The following CTNNA2 variants were observed in gnomAD, a reference collection of about 807,000 sequenced individuals.
CTNNA2 encodes the protein catenin alpha-2.
In CTNNA2, 42 loss-of-function variants were observed where a neutral mutation model predicts 101.0. The observed-to-expected ratio is 0.42, with a 90% CI of 0.32 to 0.54. The LOEUF (loss-of-function observed/expected upper bound fraction) is 0.54, where lower values mean the gene tolerates loss of function less well. Ranked by LOEUF, CTNNA2 falls within the 20% of genes least tolerant of loss-of-function variation. CTNNA2 has a pLI of 0.14. For synonymous variants in CTNNA2, 450 were observed against 456.4 expected, an observed-to-expected ratio of 0.99 and a Z score of 0.18; for missense variants, 871 against 1,223.1, an observed-to-expected ratio of 0.71 and a Z score of 4.29.
chr2:80,447,358 T>G (rs574493804), intron 9 of CTNNA2, among the ~76,000 whole-genome samples: 1 of 152,322 alleles, frequency 6.6e-6, no homozygotes, highest in Non-Finnish European at 1.5e-5. Context: ...CTTGTTTTTA[T>G]ATTTATAAGG....
intron 7 of CTNNA2, among the ~76,000 whole-genome samples, chr2:80,006,652 G>A (rs1387934351): frequency 6.6e-6 from 1 of 152,120 alleles, no homozygotes; most frequent in Non-Finnish European, 1.5e-5. Context: ...TCTGATCCCA[G>A]AAATGAAACA....
At chr2:79,651,242 C>T (rs183368406) in intron 1 of CTNNA2, among the ~76,000 whole-genome samples, 68 of 152,230 alleles carry the variant, frequency 4.5e-4, no homozygotes, top group African/African-American at 1.0e-3. Context: ...TGAAACCTTT[C>T]GCAGCATATA....
intron 2 of CTNNA2, among the ~76,000 whole-genome samples, chr2:79,715,576 A>T (rs1042753493): frequency 6.6e-6 from 1 of 152,162 alleles, no homozygotes; most frequent in African/African-American, 2.4e-5. Flanking sequence ...TATAAGGGTA[A>T]GCAATGGATG....
At chr2:79,775,134 T>C (rs1673868517) in intron 3 of CTNNA2, among the ~76,000 whole-genome samples, 1 of 152,162 alleles carries the variant, frequency 6.6e-6, no homozygotes, top group South Asian at 2.1e-4. Context: ...TCATTTGGTA[T>C]GGTTGACAAG....
At chr2:80,449,068 A>C (rs1034716434) in intron 9 of CTNNA2, among the ~76,000 whole-genome samples, 1 of 152,126 alleles carries the variant, frequency 6.6e-6, no homozygotes. Flanking sequence ...GAAATGTTTG[A>C]TTAGCTACCC....
intron 7 of CTNNA2, among the ~76,000 whole-genome samples, chr2:80,354,477 A>C (rs1209191679): frequency 1.3e-5 from 2 of 152,158 alleles, no homozygotes; most frequent in African/African-American, 4.8e-5. Flanking sequence ...GTGCATCTTT[A>C]GGGTGGTGTG....
intron 3 of CTNNA2, among the ~76,000 whole-genome samples, chr2:79,774,271 C>A (rs575512516): frequency 6.6e-4 from 100 of 152,264 alleles, no homozygotes; most frequent in African/African-American, 2.4e-3. Context: ...CTGATCTTAA[C>A]CCCCTGCTGA....
At chr2:80,306,796 G>GAA (rs35209888) in intron 7 of CTNNA2, among the ~76,000 whole-genome samples, 38 of 147,534 alleles carry the variant, frequency 2.6e-4, no homozygotes, top group African/African-American at 5.9e-4. Flanking sequence ...GGGTTGCTAG[G>GAA]AAAAAAAAAA....
At chr2:79,581,972 G>A (rs1400500117) in intron 1 of CTNNA2, among the ~76,000 whole-genome samples, 1 of 152,190 alleles carries the variant, frequency 6.6e-6, no homozygotes, top group Non-Finnish European at 1.5e-5. Context: ...AAGAAATACA[G>A]CTGTAGGTAT....
intron 18 of CTNNA2, among the ~76,000 whole-genome samples, chr2:80,629,171 T>G (rs944618394): frequency 3.9e-5 from 6 of 152,166 alleles, no homozygotes; most frequent in Admixed American, 6.5e-5. Flanking sequence ...TTGGATAATA[T>G]TGGTGCCCTC....
intron 7 of CTNNA2, among the ~76,000 whole-genome samples, chr2:80,050,009 G>A (rs2861966): frequency 0.52 from 79,101 of 151,790 alleles, 22,226 homozygotes; most frequent in African/African-American, 0.72. Flanking sequence ...CTCTCCTGCC[G>A]TGCCCTCTCC....
At chr2:79,331,149 C>T (rs1676862073) in intron 3 of CTNNA2, among the ~76,000 whole-genome samples, 1 of 152,126 alleles carries the variant, frequency 6.6e-6, no homozygotes, top group Admixed American at 6.6e-5. Flanking sequence ...CTGCCCTCTG[C>T]CTGCCATCTC....
intron 15 of CTNNA2, among the ~76,000 whole-genome samples, chr2:80,590,023 C>T (rs1386145426): frequency 3.3e-5 from 5 of 152,134 alleles, no homozygotes; most frequent in Non-Finnish European, 5.9e-5. Flanking sequence ...TCTAAGATTC[C>T]ATTGTTTTCA....
At chr2:79,491,792 C>G (rs981165523) in intron 4 of CTNNA2, among the ~76,000 whole-genome samples, 1 of 152,162 alleles carries the variant, frequency 6.6e-6, no homozygotes, top group African/African-American at 2.4e-5. Context: ...TACAACCATG[C>G]TTTTAAGCAG....
chr2:79,862,566 T>A (rs1681703596), intron 4 of CTNNA2, among the ~76,000 whole-genome samples: 1 of 152,226 alleles, frequency 6.6e-6, no homozygotes, highest in African/African-American at 2.4e-5. Flanking sequence ...ATCTTTTCTG[T>A]CATAGCTATC....
intron 7 of CTNNA2, among the ~76,000 whole-genome samples, chr2:79,967,528 A>T (rs1690160484): frequency 6.6e-6 from 1 of 152,206 alleles, no homozygotes; most frequent in South Asian, 2.1e-4. Context: ...GATCTTTTAT[A>T]AATGCACGTG....
chr2:80,456,285 C>T (rs1409690008), intron 9 of CTNNA2, among the ~76,000 whole-genome samples: 2 of 152,148 alleles, frequency 1.3e-5, no homozygotes, highest in Non-Finnish European at 2.9e-5. Flanking sequence ...TTCTGTGTGG[C>T]CACTTTAATA....
intron 9 of CTNNA2, among the ~76,000 whole-genome samples, chr2:80,453,644 A>G (rs1483899867): frequency 1.2e-4 from 18 of 152,222 alleles, no homozygotes; most frequent in Non-Finnish European, 2.9e-5. Context: ...CTTAAATAGG[A>G]AACACTACAG....
chr2:79,990,107 T>A (rs985596640), intron 7 of CTNNA2, among the ~76,000 whole-genome samples: 1 of 152,102 alleles, frequency 6.6e-6, no homozygotes, highest in African/African-American at 2.4e-5. Context: ...ATGCCCTTCT[T>A]GCACACAGGC....
Sources: allele counts gnomAD v4.1 joint callset (sites outside exome capture counted in the v4.1 genomes callset), GRCh38; gene constraint gnomAD v4.1.1; transcripts MANE v1.5; gene names NCBI Gene and HGNC (gene_info 2026-07-23, HGNC 2026-07-21).